CD200: variants seen among roughly 807,000 people sequenced by gnomAD.
CD200 encodes CD200 molecule, also known as OX-2 membrane glycoprotein.
CD200 carries 15 observed loss-of-function variants against 30.9 expected under a neutral mutation model. The ratio of observed to expected loss-of-function variants is 0.49; its 90% CI spans 0.32 to 0.75. The LOEUF (loss-of-function observed/expected upper bound fraction) is 0.75. Ranked by LOEUF, CD200 falls within the 30% of genes least tolerant of loss-of-function variation. The pLI, the probability that CD200 is intolerant of heterozygous loss-of-function variation, is 0.03. For missense variants in CD200, 262 were observed against 324.2 expected (o/e 0.81, Z 1.47); for synonymous variants, 134 against 126.2 (o/e 1.06, Z -0.41).
chr3:112,354,487 T>C (rs1414419652), intron 5 of CD200, among the ~76,000 whole-genome samples: 1 of 152,236 alleles, frequency 6.6e-6, no homozygotes, highest in African/African-American at 2.4e-5. Context: ...TTCAGTAGTA[T>C]AGTCACACCC....
intron 1 of CD200, among the ~76,000 whole-genome samples, chr3:112,335,450 C>T (rs542795394): frequency 2.2e-4 from 33 of 152,290 alleles, no homozygotes; most frequent in Middle Eastern, 3.4e-3. Flanking sequence ...ATAATTTGTC[C>T]TAATGGCACC....
intron 1 of CD200, among the ~76,000 whole-genome samples, chr3:112,340,260 T>C (rs529519706): frequency 6.6e-6 from 1 of 152,282 alleles, no homozygotes; most frequent in East Asian, 1.9e-4. Context: ...TACCCTGACT[T>C]ACCATTTTAT....
intron 3 of CD200, 29 bp downstream of exon 3, chr3:112,345,317 G>A: frequency 6.4e-7 from 1 of 1,556,654 alleles, no homozygotes; most frequent in East Asian, 2.2e-5. Flanking sequence ...CATTGTCTGT[G>A]TCTGGAAATA....
chr3:112,347,921 A>G (rs973057924), intron 4 of CD200, 91 bp downstream of exon 4: 11 of 1,132,684 alleles, frequency 9.7e-6, no homozygotes, highest in Non-Finnish European at 1.3e-5. Context: ...TCAGCCTCTT[A>G]GCATAATCTA....
At chr3:112,342,444 A>G (rs984438003) in intron 2 of CD200, among the ~76,000 whole-genome samples, 8 of 130,028 alleles carry the variant, frequency 6.2e-5, no homozygotes, top group Non-Finnish European at 1.1e-4. Context: ...CTCTCTTTCT[A>G]TGAAATTTCA....
intron 1 of CD200, among the ~76,000 whole-genome samples, chr3:112,337,409 A>G (rs2081141947): frequency 6.6e-6 from 1 of 152,200 alleles, no homozygotes. Flanking sequence ...CTCAAGCAAA[A>G]ATACCAAGGC....
chr3:112,343,074 G>A (rs2081304972), intron 2 of CD200, among the ~76,000 whole-genome samples: 1 of 151,798 alleles, frequency 6.6e-6, no homozygotes, highest in Non-Finnish European at 1.5e-5. Flanking sequence ...CTCTTTCATT[G>A]TATTGACTTT....
chr3:112,345,156 AC>A lies in CD200; in HGVS notation c.292del (p.Gln98SerfsTer47). 6.2e-7 allele frequency: 1 copy of A among 1,614,092 alleles called. No individual in the cohort carries two copies. Among genetic ancestry groups the A allele is most frequent in the Admixed American group, 1.7e-5 (1 of 60,012 alleles). On this transcript the variant is annotated frameshift_variant, in exon 3 of 6. Transcript: ENST00000315711. LOFTEE classifies it high-confidence loss of function. ...QPAYKDKINITQLGLQNSTIT... is the reference protein window; with the variant it reads ...QPAYKDKINIXQLGLQNSTIT... ...TGCCTATAAGGACAAGATAAACATT[AC>A]CCAGCTGGGACTCCAAAACTCAACC...
chr3:112,356,726 T>C (rs2081629429), intron 5 of CD200, among the ~76,000 whole-genome samples: 1 of 152,246 alleles, frequency 6.6e-6, no homozygotes, highest in African/African-American at 2.4e-5. Flanking sequence ...GCAAGGATGA[T>C]TGCAAATGAC....
At chr3:112,333,731 T>C in intron 1 of CD200, 1 of 985,470 alleles carries the variant, frequency 1.0e-6, no homozygotes, top group Non-Finnish European at 1.2e-6. Context: ...CTCTTTGTTA[T>C]GCAGCCCCTT....
chr3:112,333,101 G>A, upstream of CD200: 1 of 1,486,070 alleles, frequency 6.7e-7, no homozygotes, highest in South Asian at 1.2e-5. Context: ...TAGCGAGGAG[G>A]AAGAGGCGGG....
intron 5 of CD200, among the ~76,000 whole-genome samples, chr3:112,361,140 T>A (rs776156715): frequency 6.6e-6 from 1 of 152,110 alleles, no homozygotes; most frequent in African/African-American, 2.4e-5. Context: ...GAGCTCAAGT[T>A]ATCCTCACGC....
At chr3:112,333,809 G>A (rs908155016) in intron 1 of CD200, 2 of 985,428 alleles carry the variant, frequency 2.0e-6, no homozygotes, top group Non-Finnish European at 2.4e-6. Context: ...ACACTTGAGA[G>A]AGCTGAAATG....
chr3:112,333,969 A>G (rs1184049806), intron 1 of CD200: 3 of 985,264 alleles, frequency 3.0e-6, no homozygotes, highest in Non-Finnish European at 3.6e-6. Flanking sequence ...TGGTATTGGT[A>G]TAAGAATCCA....
At chr3:112,352,774 C>T (rs1003029139) in intron 5 of CD200, among the ~76,000 whole-genome samples, 1 of 152,202 alleles carries the variant, frequency 6.6e-6, no homozygotes, top group African/African-American at 2.4e-5. Flanking sequence ...AATCACTACT[C>T]ATTGCTCACA....
Position 112,361,539 on chromosome 3 carries a change from C to T in CD200, c.803-4C>T. On this transcript the variant is annotated splice_region_variant and splice_polypyrimidine_tract_variant and intron_variant, in intron 5 of 5. Coordinates refer to ENST00000315711, the MANE Select transcript of CD200 (RefSeq NM_005944.7). ...AGTTAATACCTTGTTTTTCTTTTAT[C>T]CAGAGCCCTAAATAAGTCACACAGC... The T allele has an allele frequency of 6.2e-7, 1 of 1,605,418 alleles. No homozygotes were observed. The highest frequency in any genetic ancestry group is 8.5e-7 in the Non-Finnish European group (1 of 1,172,176).
At chr3:112,342,312 TC>T (rs2081260749) in intron 2 of CD200, among the ~76,000 whole-genome samples, 2 of 24,646 alleles carry the variant, frequency 8.1e-5, no homozygotes, top group African/African-American at 4.0e-4. Context: ...CTTCCTTTCT[TC>T]TTTCTTTCTT....
intron 2 of CD200, among the ~76,000 whole-genome samples, chr3:112,342,280 TC>T (rs2108436032): frequency 2.7e-5 from 1 of 37,132 alleles, no homozygotes; most frequent in Non-Finnish European, 6.3e-5. Flanking sequence ...TGTCCTTCCT[TC>T]CTTCCTTCCT....
intron 1 of CD200, among the ~76,000 whole-genome samples, chr3:112,339,895 G>C (rs1250422844): frequency 1.3e-5 from 2 of 152,170 alleles, no homozygotes; most frequent in Admixed American, 1.3e-4. Context: ...ATGATTAGCA[G>C]TCCTGTCTCA....
Sources: allele counts gnomAD v4.1 joint callset (sites outside exome capture counted in the v4.1 genomes callset), GRCh38; gene constraint gnomAD v4.1.1; transcripts MANE v1.5; gene names NCBI Gene and HGNC (gene_info 2026-07-23, HGNC 2026-07-21).